Variants in RALGAPA2 observed in about 807,000 individuals in gnomAD.
RALGAPA2 encodes ral GTPase-activating protein subunit alpha-2.
Under a neutral mutation model 230.4 loss-of-function variants are expected in RALGAPA2, and 139 were observed. The observed-to-expected ratio is 0.60, with a 90% CI of 0.53 to 0.69. RALGAPA2 has a LOEUF of 0.69. Among genes scored for constraint, RALGAPA2 ranks in the 30% least tolerant of loss-of-function variants. The pLI is 0.00. For synonymous variants in RALGAPA2, 847 were observed against 837.8 expected, an observed-to-expected ratio of 1.01 and a Z score of -0.19; for missense variants, 2,163 against 2,276.0, an observed-to-expected ratio of 0.95 and a Z score of 1.01.
intron 23 of RALGAPA2, among the ~76,000 whole-genome samples, chr20:20,556,368 G>A (rs550472494): frequency 6.6e-6 from 1 of 152,170 alleles, no homozygotes; most frequent in Non-Finnish European, 1.5e-5. Context: ...AGACTGACAG[G>A]GAGATGGCAA....
intron 1 of RALGAPA2, among the ~76,000 whole-genome samples, chr20:20,710,333 T>C (rs201490285): frequency 7.2e-6 from 1 of 138,826 alleles, no homozygotes; most frequent in African/African-American, 2.5e-5. Context: ...CTAAGTAGAC[T>C]TTTTTTCGAG....
intron 10 of RALGAPA2, among the ~76,000 whole-genome samples, chr20:20,624,196 G>A (rs2066413977): frequency 6.6e-6 from 1 of 151,994 alleles, no homozygotes; most frequent in Non-Finnish European, 1.5e-5. Context: ...GTGTGGTGAT[G>A]CATGCCTGTA....
chr20:20,449,218 GCAA>G, intron 37 of RALGAPA2, among the ~76,000 whole-genome samples: 1 of 152,296 alleles, frequency 6.6e-6, no homozygotes, highest in Non-Finnish European at 1.5e-5. Context: ...GGATTATAGG[GCAA>G]CAAGTCCTGC....
At chr20:20,601,268 A>G (rs186843117) in intron 16 of RALGAPA2, among the ~76,000 whole-genome samples, 3 of 152,326 alleles carry the variant, frequency 2.0e-5, no homozygotes, top group Admixed American at 2.0e-4. Flanking sequence ...AGGAGCAAAA[A>G]ATGAAAATGT....
At chr20:20,618,171 A>G (rs1185166894) in intron 12 of RALGAPA2, among the ~76,000 whole-genome samples, 1 of 152,202 alleles carries the variant, frequency 6.6e-6, no homozygotes, top group Non-Finnish European at 1.5e-5. Flanking sequence ...ATGTAACTCA[A>G]CCTTTCAGAA....
At chr20:20,640,569 G>C in intron 6 of RALGAPA2, 132 bp downstream of exon 6, 3 of 864,714 alleles carry the variant, frequency 3.5e-6, no homozygotes, top group East Asian at 5.3e-5. Context: ...AGAATCTACA[G>C]TGAATATGAA....
At chr20:20,658,476 T>C (rs148836711) in intron 3 of RALGAPA2, among the ~76,000 whole-genome samples, 115 of 152,304 alleles carry the variant, frequency 7.6e-4, no homozygotes, top group African/African-American at 2.7e-3. Flanking sequence ...CATAAGCTAC[T>C]GACATCTTGT....
intron 3 of RALGAPA2, among the ~76,000 whole-genome samples, chr20:20,665,147 G>T (rs1405247427): frequency 6.6e-6 from 1 of 152,262 alleles, no homozygotes; most frequent in South Asian, 2.1e-4. Flanking sequence ...TAATTAAAGA[G>T]AAAAAAGCTC....
chr20:20,452,263 T>C (rs1250074165), intron 37 of RALGAPA2, among the ~76,000 whole-genome samples: 2 of 152,220 alleles, frequency 1.3e-5, no homozygotes, highest in African/African-American at 2.4e-5. Context: ...AAATTTTATA[T>C]AGTGACCCAA....
At chr20:20,604,271 C>T (rs1013531912) in intron 15 of RALGAPA2, among the ~76,000 whole-genome samples, 1 of 152,244 alleles carries the variant, frequency 6.6e-6, no homozygotes, top group African/African-American at 2.4e-5. Context: ...GACCATGCCA[C>T]ATCCTTAAGC....
chr20:20,615,752 AAC>A (rs1483739452), intron 13 of RALGAPA2, among the ~76,000 whole-genome samples: 1 of 149,294 alleles, frequency 6.7e-6, no homozygotes, highest in Non-Finnish European at 1.5e-5. Context: ...AGTATTATAA[AAC>A]ACCAGTTGCT....
rs933962164 is a variant in RALGAPA2, at chr20:20,505,391, T to G, written c.5052+20A>C. ...TAAACAGTGCTGGTCAATAAACACC[T>G]ACTGAATGAAATGCATTACCTCCCA... On this transcript the variant is annotated intron_variant, in intron 34 of 39. Coordinates refer to ENST00000202677, the MANE Select transcript of RALGAPA2 (RefSeq NM_020343.4). 1.9e-6 allele frequency: 3 copies of G among 1,585,964 alleles called. No homozygotes were observed. The highest frequency in any genetic ancestry group is 2.6e-6 in the Non-Finnish European group (3 of 1,166,382).
At chr20:20,681,775 G>A (rs959223164) in intron 1 of RALGAPA2, among the ~76,000 whole-genome samples, 7 of 152,128 alleles carry the variant, frequency 4.6e-5, no homozygotes, top group African/African-American at 9.7e-5. Flanking sequence ...GTAATCGCCC[G>A]AACTCAGGAG....
intron 37 of RALGAPA2, among the ~76,000 whole-genome samples, chr20:20,460,871 C>T (rs1222317642): frequency 3.9e-5 from 6 of 152,154 alleles, no homozygotes; most frequent in Non-Finnish European, 8.8e-5. Context: ...GATCACTGGG[C>T]AAATTAATCC....
At chr20:20,553,448 A>T (rs1244875581) in intron 23 of RALGAPA2, among the ~76,000 whole-genome samples, 1 of 152,100 alleles carries the variant, frequency 6.6e-6, no homozygotes, top group East Asian at 1.9e-4. Flanking sequence ...GCTACTTGGG[A>T]AGATGAGATG....
At chr20:20,572,358 C>G (rs550314822) in intron 21 of RALGAPA2, among the ~76,000 whole-genome samples, 2 of 151,460 alleles carry the variant, frequency 1.3e-5, no homozygotes, top group South Asian at 4.2e-4. Flanking sequence ...AGGAGAATTG[C>G]TTGAACCCAG....
At chr20:20,509,126 G>A (rs979038146) in intron 33 of RALGAPA2, among the ~76,000 whole-genome samples, 3 of 152,168 alleles carry the variant, frequency 2.0e-5, no homozygotes, top group African/African-American at 7.2e-5. Flanking sequence ...AAGGAAGGAG[G>A]GAGAGTGTGG....
rs751008158 is a variant in RALGAPA2, at chr20:20,583,234, A to G, written c.2531-8T>C. 5.1e-6 allele frequency: 8 copies of G among 1,584,090 alleles called. No individual in the cohort carries two copies. Among genetic ancestry groups the G allele is most frequent in the Non-Finnish European group, 6.9e-6 (8 of 1,166,102 alleles). ...CACTGTTGGTACTTTCACCTGGTAC[A>G]ATGGAAGAACCAAAGTTTAAGATAA... On this transcript the variant is annotated splice_polypyrimidine_tract_variant and splice_region_variant and intron_variant, in intron 19 of 39. Coordinates refer to ENST00000202677, the MANE Select transcript of RALGAPA2 (RefSeq NM_020343.4).
chr20:20,429,259 C>T (rs79559647), intron 37 of RALGAPA2, among the ~76,000 whole-genome samples: 152 of 152,284 alleles, frequency 1.0e-3, no homozygotes, highest in African/African-American at 3.6e-3. Context: ...CTTCCTACTC[C>T]CTTATGCTGT....
Sources: allele counts gnomAD v4.1 joint callset (sites outside exome capture counted in the v4.1 genomes callset), GRCh38; gene constraint gnomAD v4.1.1; transcripts MANE v1.5; gene names NCBI Gene and HGNC (gene_info 2026-07-23, HGNC 2026-07-21).